The following ATXN1 variants were observed in gnomAD, a reference collection of about 807,000 sequenced individuals.
ATXN1 encodes the protein ataxin 1.
ATXN1 carries 8 observed loss-of-function variants against 56.4 expected under a neutral mutation model. The observed-to-expected ratio is 0.14, with a 90% confidence interval of 0.08 to 0.26. The LOEUF is 0.26. Among genes scored for constraint, ATXN1 ranks in the 10% least tolerant of loss-of-function variants. ATXN1 has a pLI of 1.00. For synonymous variants in ATXN1, 514 were observed against 494.6 expected, an observed-to-expected ratio of 1.04 and a Z score of -0.52; for missense variants, 987 against 1,106.5, an observed-to-expected ratio of 0.89 and a Z score of 1.53.
intron 4 of ATXN1, among the ~76,000 whole-genome samples, chr6:16,533,810 T>G (rs1292561766): frequency 6.6e-6 from 1 of 152,168 alleles, no homozygotes; most frequent in Non-Finnish European, 1.5e-5. Flanking sequence ...CTGAGTCTAA[T>G]TCGGCATAAC....
chr6:16,738,465 T>C (rs1174612229), intron 2 of ATXN1: 1 of 152,234 alleles, frequency 6.6e-6, no homozygotes, highest in Non-Finnish European at 1.5e-5. Context: ...AGGTAATCTG[T>C]TTCAGAAAGT....
At chr6:16,457,613 A>G (rs1188987330) in intron 6 of ATXN1, among the ~76,000 whole-genome samples, 2 of 152,204 alleles carry the variant, frequency 1.3e-5, no homozygotes, top group Non-Finnish European at 2.9e-5. Flanking sequence ...ACTATTCTGC[A>G]GGTTGACCTT....
intron 5 of ATXN1, among the ~76,000 whole-genome samples, chr6:16,498,587 C>A (rs752659516): frequency 6.6e-6 from 1 of 152,186 alleles, no homozygotes; most frequent in Non-Finnish European, 1.5e-5. Flanking sequence ...AGTGATTGCA[C>A]CATACTACAT....
At chr6:16,632,993 G>A (rs1472295211) in intron 3 of ATXN1, among the ~76,000 whole-genome samples, 6 of 100,418 alleles carry the variant, frequency 6.0e-5, no homozygotes, top group East Asian at 5.2e-4. Context: ...GCAAAACTCC[G>A]CCTCAAAAAA....
At chr6:16,679,904 C>A (rs1758778623) in intron 2 of ATXN1, among the ~76,000 whole-genome samples, 1 of 152,096 alleles carries the variant, frequency 6.6e-6, no homozygotes, top group Non-Finnish European at 1.5e-5. Flanking sequence ...ACTGTAGGAT[C>A]TCCTATTGAG....
intron 6 of ATXN1, among the ~76,000 whole-genome samples, chr6:16,363,082 A>T (rs1761846214): frequency 6.6e-6 from 1 of 152,170 alleles, no homozygotes; most frequent in African/African-American, 2.4e-5. Flanking sequence ...CTTTTCTCAG[A>T]TCCCTTATCA....
chr6:16,522,595 A>G (rs9477153), intron 5 of ATXN1, 32 bp downstream of exon 5: 36,334 of 152,040 alleles, frequency 0.24, 4,814 homozygotes, highest in East Asian at 0.52. Context: ...GATGTGGGTA[A>G]AAATACATGA....
intron 3 of ATXN1, among the ~76,000 whole-genome samples, chr6:16,637,755 C>T (rs1016131773): frequency 7.2e-5 from 11 of 152,202 alleles, no homozygotes; most frequent in African/African-American, 2.7e-4. Context: ...CTCTGATATA[C>T]TACAGCTACG....
In ATXN1 at chr6:16,568,169, A is replaced by C. The variant is rs565660177; in HGVS notation, c.-361+17611T>G. On this transcript the variant is annotated intron_variant, in intron 4 of 7. Coordinates refer to ENST00000436367, the MANE Select transcript of ATXN1 (RefSeq NM_001128164.2). ...GGCGGACTGTGCAAAAGATTTTCAT[A>C]GCCATGAATCCTATTAAAGATACAT... 2.0e-4 allele frequency among the ~76,000 whole-genome samples: 30 copies of C among 152,248 alleles called. 1 individual carries two copies. The highest frequency in any genetic ancestry group is 1.3e-4 in the Non-Finnish European group (9 of 68,038).
chr6:16,410,192 G>A lies in ATXN1; in HGVS notation c.-161+75780C>T, dbSNP rs937744247. Among the ~76,000 whole-genome samples, 19 of 152,120 alleles carry A rather than the reference G, an allele frequency of 1.2e-4. No individual in the cohort carries two copies. Among genetic ancestry groups the A allele is most frequent in the African/African-American group, 4.3e-4 (18 of 41,404 alleles). ...CGCCGTGTGAATCACAGCATCTAGC[G>A]GCCCTCCTTCCCCCTTACTATGACT... On this transcript the variant is annotated intron_variant, in intron 6 of 7. Coordinates refer to ENST00000436367, the MANE Select transcript of ATXN1 (RefSeq NM_001128164.2). This position sits in a 1 kb window ranked among gnomAD's most constrained non-coding sequence, Gnocchi z 4.6.
intron 2 of ATXN1, among the ~76,000 whole-genome samples, chr6:16,702,222 C>T (rs538423589): frequency 1.3e-5 from 2 of 152,236 alleles, no homozygotes; most frequent in African/African-American, 4.8e-5. Context: ...CTGACAAAAA[C>T]AAGAAATGGG....
At chr6:16,681,606 C>T (rs1020882482) in intron 2 of ATXN1, among the ~76,000 whole-genome samples, 7 of 152,218 alleles carry the variant, frequency 4.6e-5, no homozygotes, top group African/African-American at 1.7e-4. Context: ...TGCTGCACAC[C>T]TCCGTCTTTT....
At chr6:16,425,541 C>T (rs1031581057) in intron 6 of ATXN1, among the ~76,000 whole-genome samples, 3 of 152,180 alleles carry the variant, frequency 2.0e-5, no homozygotes, top group African/African-American at 7.2e-5. Context: ...TTACTTTGTC[C>T]TTCAAAACAG....
At chr6:16,466,815 T>C (rs1364295480) in intron 6 of ATXN1, among the ~76,000 whole-genome samples, 1 of 152,184 alleles carries the variant, frequency 6.6e-6, no homozygotes, top group Non-Finnish European at 1.5e-5. Flanking sequence ...TATTACTAGT[T>C]TGTATTTCCT....
chr6:16,644,565 T>G (rs1043976779), intron 3 of ATXN1, among the ~76,000 whole-genome samples: 1 of 134,590 alleles, frequency 7.4e-6, no homozygotes, highest in African/African-American at 3.4e-5. Context: ...AATTTTATGG[T>G]GTGTGTGTGT....
intron 6 of ATXN1, among the ~76,000 whole-genome samples, chr6:16,377,733 A>G (rs1762173082): frequency 6.6e-6 from 1 of 152,236 alleles, no homozygotes; most frequent in Non-Finnish European, 1.5e-5. Context: ...AGAAGACAAG[A>G]TGTAAGCTGA....
At chr6:16,531,200 G>A (rs995040109) in intron 4 of ATXN1, among the ~76,000 whole-genome samples, 10 of 152,178 alleles carry the variant, frequency 6.6e-5, no homozygotes, top group Admixed American at 3.9e-4. Flanking sequence ...TGTGGTCTAC[G>A]TTTCGGGGCA....
intron 3 of ATXN1, among the ~76,000 whole-genome samples, chr6:16,632,959 T>C (rs1483108614): frequency 3.3e-5 from 5 of 151,032 alleles, no homozygotes; most frequent in Non-Finnish European, 5.9e-5. Flanking sequence ...ATCACGTCAT[T>C]GCTCTCTAGC....
Position 16,487,331 on chromosome 6 carries a change from A to G in ATXN1, c.-298-1222T>C, listed in dbSNP as rs911970250. On this transcript the variant is annotated intron_variant, in intron 5 of 7. Coordinates refer to ENST00000436367, the MANE Select transcript of ATXN1 (RefSeq NM_001128164.2). ...GGTGTCATTAATAGCATTTCTGAGGAAAAAAAACAAAAAAGAGTGGTCCTT... is the reference window on the plus strand; with the variant it reads ...GGTGTCATTAATAGCATTTCTGAGGGAAAAAAACAAAAAAGAGTGGTCCTT... Among the ~76,000 whole-genome samples the G allele has an allele frequency of 6.6e-5, 10 of 151,762 alleles. No individual in the cohort carries two copies. In the East Asian group the frequency reaches 7.7e-4, roughly 12 times the overall value.
Sources: allele counts gnomAD v4.1 joint callset (sites outside exome capture counted in the v4.1 genomes callset), GRCh38; gene constraint gnomAD v4.1.1; non-coding constraint Gnocchi (gnomAD v3.1); transcripts MANE v1.5; gene names NCBI Gene and HGNC (gene_info 2026-07-23, HGNC 2026-07-21).